Variants in LCA5L observed in about 807,000 individuals in gnomAD.
LCA5L encodes the protein lebercilin LCA5 like, also known as lebercilin-like protein.
LCA5L carries 35 observed loss-of-function variants against 45.4 expected under a neutral mutation model. The ratio of observed to expected loss-of-function variants is 0.77; its 90% CI spans 0.59 to 1.02. LCA5L has a LOEUF of 1.02. LCA5L is among the 50% of genes least tolerant of loss of function. The pLI is 0.00. For synonymous variants in LCA5L, 233 were observed against 264.7 expected (o/e 0.88, Z 1.16); for missense variants, 668 against 761.6 (o/e 0.88, Z 1.45).
chr21:39,423,491 C>G lies in LCA5L; in HGVS notation c.323-1G>C, dbSNP rs2147740857. On this transcript the variant is annotated splice_acceptor_variant, in intron 5 of 10. Transcript: ENST00000288350. LOFTEE classifies it high-confidence loss of function. ...TTTTCAACTGATATTTCCTTCTGGC[C>G]TGTGTAAGCAGAAAATCCAGTTTAT... is the stretch of plus-strand genomic sequence containing the variant. 1 of 1,541,948 alleles carries G rather than the reference C, an allele frequency of 6.5e-7. No individual in the cohort carries two copies. Among genetic ancestry groups the G allele is most frequent in the Admixed American group, 2.1e-5 (1 of 46,576 alleles).
At position 39,420,855 on chromosome 21, in the gene LCA5L, A is replaced by T. The variant is rs760947394; in HGVS notation, c.838-12T>A. ...TGTTTTTCCAAGCTCTGAAAACAGT[A>T]TATATTATAACTATTCTGCAACCAA... On this transcript the variant is annotated splice_polypyrimidine_tract_variant and intron_variant, in intron 6 of 10. Transcript: ENST00000288350. 2.5e-6 allele frequency: 4 copies of T among 1,601,998 alleles called. No individual in the cohort carries two copies. The highest frequency in any genetic ancestry group is 3.4e-6 in the Non-Finnish European group (4 of 1,170,772).
chr21:39,428,048 A>G, intron 5 of LCA5L, 124 bp downstream of exon 5: 1 of 657,408 alleles, frequency 1.5e-6, no homozygotes, highest in South Asian at 2.0e-5. Flanking sequence ...AAGTTCACCT[A>G]TAATACACAT....
chr21:39,444,852 G>A (rs1009781508), intron 1 of LCA5L: 2 of 152,274 alleles, frequency 1.3e-5, no homozygotes, highest in African/African-American at 4.8e-5. Flanking sequence ...TGGGAGGACA[G>A]GCTTGGCTTG....
Position 39,410,107 on chromosome 21 carries a change from GA to G in LCA5L, c.1165-12del, listed in dbSNP as rs755474133. The G allele has an allele frequency of 6.4e-7, 1 of 1,568,576 alleles. No individual in the cohort carries two copies. Among genetic ancestry groups the G allele is most frequent in the South Asian group, 1.1e-5 (1 of 89,196 alleles). ...TGTTGCCTTTTTACCCTGTAATTTA[GA>G]AAAGCAGCAAAAACACATTTTGGGG... On this transcript the variant is annotated splice_polypyrimidine_tract_variant and intron_variant, in intron 9 of 10. Transcript: ENST00000288350.
chr21:39,415,296 T>C (rs2040932659), intron 7 of LCA5L, among the ~76,000 whole-genome samples: 1 of 152,226 alleles, frequency 6.6e-6, no homozygotes, highest in African/African-American at 2.4e-5. Context: ...TAGCCATTTC[T>C]ACTCTTTTAA....
At chr21:39,416,073 T>A (rs774280154) in intron 7 of LCA5L, among the ~76,000 whole-genome samples, 5 of 152,218 alleles carry the variant, frequency 3.3e-5, no homozygotes, top group African/African-American at 4.8e-5. Context: ...TCTAATCCTG[T>A]CATTCCTTCT....
At chr21:39,437,802 C>T (rs1011739110) in intron 2 of LCA5L, among the ~76,000 whole-genome samples, 2 of 152,132 alleles carry the variant, frequency 1.3e-5, no homozygotes, top group Non-Finnish European at 2.9e-5. Flanking sequence ...GAAACATACC[C>T]CACTTACTAT....
chr21:39,414,595 G>T (rs1347959184), intron 7 of LCA5L, among the ~76,000 whole-genome samples: 3 of 152,120 alleles, frequency 2.0e-5, no homozygotes, highest in South Asian at 2.1e-4. Flanking sequence ...CCAAAAGGTG[G>T]AGTTCACTGC....
intron 5 of LCA5L, among the ~76,000 whole-genome samples, chr21:39,423,864 G>C (rs2074169663): frequency 6.6e-6 from 1 of 152,158 alleles, no homozygotes; most frequent in African/African-American, 2.4e-5. Flanking sequence ...ACTAAAAGCT[G>C]TGATAATAGG....
At chr21:39,438,888 T>C (rs1419716503) in intron 2 of LCA5L, 2 of 152,210 alleles carry the variant, frequency 1.3e-5, no homozygotes, top group Non-Finnish European at 2.9e-5. Context: ...ACATGTAAAA[T>C]AGAGTTAAAT....
intron 7 of LCA5L, 37 bp from the exon 8 acceptor site, chr21:39,411,839 C>T (rs1467283643): frequency 3.3e-6 from 4 of 1,210,346 alleles, no homozygotes; most frequent in South Asian, 1.3e-5. Context: ...TCTATAAATG[C>T]TTGCTTTTGT....
chr21:39,434,531 CTTTT>C (rs914632143), intron 3 of LCA5L, among the ~76,000 whole-genome samples: 6 of 152,094 alleles, frequency 3.9e-5, no homozygotes, highest in South Asian at 2.1e-4. Flanking sequence ...ACTGTTCTTT[CTTTT>C]GAGACGGGGT....
rs1402716176 is a variant in LCA5L at position 39,409,950 on chromosome 21, TA to T, written c.1282+28del. 8.1e-7 allele frequency: 1 copy of T among 1,230,384 alleles called. No individual in the cohort carries two copies. Among genetic ancestry groups the T allele is most frequent in the Admixed American group, 1.9e-5 (1 of 51,764 alleles). 76.2% of individuals were successfully genotyped at this position (1,230,384 alleles called of 1,614,324 possible). A position where few individuals can be genotyped will look rare whatever the true frequency, so the allele number is the denominator to read the frequency against. On this transcript the variant is annotated intron_variant, in intron 10 of 10. Coordinates refer to ENST00000288350, the MANE Select transcript of LCA5L (RefSeq NM_152505.4). This position sits in a 1 kb window ranked among gnomAD's most constrained non-coding sequence, Gnocchi z 4.2. Reference sequence around the variant, plus strand: ...AATTCACAATTTTAAAGAAATCAGATAAGATAGACTTTAAAGAGTTAAAATT... The same window carrying T: ...AATTCACAATTTTAAAGAAATCAGATAGATAGACTTTAAAGAGTTAAAATT...
In LCA5L at chr21:39,406,329, T is replaced by A; in HGVS notation, c.1566A>T (p.Arg522Ser). The A allele has an allele frequency of 6.2e-7, 1 of 1,614,178 alleles. No individual in the cohort carries two copies. The highest frequency in any genetic ancestry group is 8.5e-7 in the Non-Finnish European group (1 of 1,180,024). Residue 522 changes from arginine (R) to serine (S), a missense_variant, in exon 11 of 11, where the codon AGA (arginine) becomes AGT (serine). Transcript: ENST00000288350. Reference sequence around the variant, plus strand: ...CAGTTGCTTCTGTGAATGAGTAATGTCTTCTTTGTCTGAGGGGGCCTTTCG... The same window carrying A: ...CAGTTGCTTCTGTGAATGAGTAATGACTTCTTTGTCTGAGGGGGCCTTTCG... ...PYTKGPLRQR[R>S]HYSFTEATEN... is the part of the protein sequence containing the mutation.
At chr21:39,432,327 C>T (rs2075817136) in intron 3 of LCA5L, among the ~76,000 whole-genome samples, 1 of 152,024 alleles carries the variant, frequency 6.6e-6, no homozygotes, top group African/African-American at 2.4e-5. Flanking sequence ...AAAAAGAGGT[C>T]ATAAGAAAAA....
rs776279254 is a variant in LCA5L, at chr21:39,406,138, A to C, written c.1757T>G (p.Val586Gly). ...PSFGKSSRIK[V>G]KDTTFRDKKS... is the part of the protein sequence containing the mutation. The stretch of plus-strand genomic sequence containing the variant: ...CTTATCTCTGAAAGTTGTATCCTTC[A>C]CTTTTATTCTGGAAGACTTACCAAA... The change falls in exon 11 of 11, where the codon GTG (valine) becomes GGG (glycine). Residue 586 changes from valine to glycine, a missense_variant. Coordinates refer to ENST00000288350, the MANE Select transcript of LCA5L (RefSeq NM_152505.4). The C allele has an allele frequency of 1.9e-6, 3 of 1,614,204 alleles. No homozygotes were observed. In the South Asian group the frequency reaches 3.3e-5, roughly 18 times the overall value.
chr21:39,445,342 T>G (rs12483547), intron 1 of LCA5L: 78,291 of 152,100 alleles, frequency 0.51, 20,552 homozygotes, highest in East Asian at 0.67. Context: ...GGAGGTCAGA[T>G]AGAAGATTCA....
chr21:39,432,031 A>T (rs1235516602), intron 3 of LCA5L, among the ~76,000 whole-genome samples: 2 of 152,216 alleles, frequency 1.3e-5, no homozygotes, highest in Non-Finnish European at 2.9e-5. Context: ...CATAATTTCA[A>T]TCCATATCCT....
At chr21:39,442,791 C>T (rs1482017538) in intron 2 of LCA5L, among the ~76,000 whole-genome samples, 4 of 152,030 alleles carry the variant, frequency 2.6e-5, no homozygotes, top group East Asian at 1.9e-4. Flanking sequence ...GCTGAACGTA[C>T]GAGTCTAGCT....
Sources: gnomAD v4.1 joint callset for allele counts (sites outside exome capture counted in the v4.1 genomes callset) on GRCh38, gnomAD v4.1.1 for gene constraint, Gnocchi (gnomAD v3.1) non-coding constraint, MANE v1.5 for transcripts, NCBI Gene and HGNC (gene_info 2026-07-23, HGNC 2026-07-21) for gene names.